The following SEMA7A variants were observed in gnomAD, a reference collection of about 807,000 sequenced individuals.
SEMA7A encodes semaphorin 7A (JohnMiltonHagen blood group).
Under a neutral mutation model 67.5 loss-of-function variants are expected in SEMA7A, and 21 were observed. The observed-to-expected ratio is 0.31, with a 90% CI of 0.22 to 0.45. The LOEUF (loss-of-function observed/expected upper bound fraction) is 0.45, where lower values mean the gene tolerates loss of function less well. Ranked by LOEUF, SEMA7A falls within the 20% of genes least tolerant of loss-of-function variation. The pLI, the probability that SEMA7A is intolerant of heterozygous loss-of-function variation, is 1.00. For missense variants in SEMA7A, 774 were observed against 908.6 expected (o/e 0.85, Z 1.90); for synonymous variants, 364 against 368.5 (o/e 0.99, Z 0.14).
intron 2 of SEMA7A, 40 bp from the exon 3 acceptor site, chr15:74,418,349 G>C (rs2060970684): frequency 6.2e-7 from 1 of 1,603,160 alleles, no homozygotes; most frequent in Non-Finnish European, 8.5e-7. Context: ...TCTGCCAGGG[G>C]TGAGGTACCC....
intron 1 of SEMA7A, among the ~76,000 whole-genome samples, chr15:74,429,974 A>T (rs1205506316): frequency 6.6e-6 from 1 of 152,076 alleles, no homozygotes; most frequent in East Asian, 1.9e-4. Context: ...GCATCTCCTC[A>T]GTGCCCATAA....
chr15:74,410,921 C>T lies in SEMA7A; in HGVS notation c.1704G>A (p.Met568Ile), dbSNP rs745819939. The T allele has an allele frequency of 6.2e-7, 1 of 1,614,140 alleles. No homozygotes were observed. ...PNSRYYLSCP[M>I]ESRHATYSWR... is the part of the protein sequence containing the mutation. ...ATGAGTAGGTGGCGTGGCGGGATTC[C>T]ATGGGGCAGCTCAGGTAGTAGCGAG... The change falls in exon 14 of 14, where the codon ATG (methionine) becomes ATA (isoleucine). Residue 568 changes from methionine (M) to isoleucine (I), a missense_variant. This residue lies in a region of SEMA7A where 427 missense variants were observed against 555.4 expected (regional missense o/e 0.77). Transcript: ENST00000261918. The surrounding 1 kb of genome is among the most constrained non-coding windows in gnomAD (Gnocchi z 7.5).
rs2060943501 is a variant in SEMA7A, at chr15:74,415,849, C to G, written c.938G>C (p.Ser313Thr). ...LQDVFLLPDP[S>T]GQWRDTRVYG... ...GACCCTGGTGTCCCTCCACTGGCCG[C>G]TGGGGTCAGGGAGCAGGAAGACGTC... The change falls in exon 8 of 14, where the codon AGC becomes ACC. Residue 313 changes from serine (S) to threonine (T), a missense_variant. Physicochemically the swap from Ser to Thr is moderately conservative, Grantham distance 58. This residue lies in a region of SEMA7A where 427 missense variants were observed against 555.4 expected (regional missense o/e 0.77). Coordinates refer to ENST00000261918, the MANE Select transcript of SEMA7A (RefSeq NM_003612.5). 1 of 1,614,056 alleles carries G rather than the reference C, an allele frequency of 6.2e-7. No homozygotes were observed. The highest frequency in any genetic ancestry group is 1.3e-5 in the African/African-American group (1 of 75,040).
chr15:74,422,911 C>G (rs888025364), intron 1 of SEMA7A, among the ~76,000 whole-genome samples: 1 of 152,206 alleles, frequency 6.6e-6, no homozygotes, highest in African/African-American at 2.4e-5. Context: ...AGGAGTGCAG[C>G]TCCAGGGGAG....
At position 74,423,624 on chromosome 15, in the gene SEMA7A, A is replaced by G. The variant is rs1334692951; in HGVS notation, c.179-4672T>C. Among the ~76,000 whole-genome samples the G allele has an allele frequency of 6.6e-6, 1 of 152,130 alleles. No individual in the cohort carries two copies. The highest frequency in any genetic ancestry group is 1.5e-5 in the Non-Finnish European group (1 of 68,010). On this transcript the variant is annotated intron_variant, in intron 1 of 13. Transcript: ENST00000261918. The surrounding 1 kb of genome is among the most constrained non-coding windows in gnomAD (Gnocchi z 4.1). ...CACTAGGTGCCGAGTCACTAACCTG[A>G]TAACTAAAGGGAATCACCCGCCCAC...
intron 1 of SEMA7A, among the ~76,000 whole-genome samples, chr15:74,433,430 C>T (rs1048444291): frequency 4.0e-5 from 6 of 151,746 alleles, no homozygotes; most frequent in African/African-American, 7.3e-5. Context: ...GGCTCGGGGC[C>T]GAGAGAGGGG....
intron 6 of SEMA7A, 25 bp downstream of exon 6, chr15:74,417,310 T>C: frequency 6.3e-7 from 1 of 1,593,478 alleles, no homozygotes; most frequent in Middle Eastern, 1.7e-4. Flanking sequence ...TTGCCCACCC[T>C]CAGCCCAGCC....
intron 1 of SEMA7A, among the ~76,000 whole-genome samples, chr15:74,433,436 A>G (rs1460442063): frequency 1.3e-5 from 2 of 151,280 alleles, no homozygotes; most frequent in South Asian, 2.1e-4. Flanking sequence ...GGGCCGAGAG[A>G]GGGGCCCGCC....
chr15:74,421,417 C>A (rs1182156915), intron 1 of SEMA7A, among the ~76,000 whole-genome samples: 1 of 152,172 alleles, frequency 6.6e-6, no homozygotes, highest in Non-Finnish European at 1.5e-5. Context: ...AAGCCTGAGC[C>A]CAGTTCCCTT....
rs2075593 is a variant in SEMA7A, at chr15:74,410,437, G to A, written c.*187C>T. 0.081 allele frequency: 61,661 copies of A among 757,068 alleles called. 4,853 individuals are homozygous for A. Among genetic ancestry groups the A allele is most frequent in the African/African-American group, 0.33 (18,517 of 56,564 alleles). The allele number at this position is 757,068 out of a possible 1,614,324, so 46.9% of individuals were successfully genotyped here. On this transcript the variant is annotated 3_prime_UTR_variant, in exon 14 of 14. Coordinates refer to ENST00000261918, the MANE Select transcript of SEMA7A (RefSeq NM_003612.5). The surrounding 1 kb of genome is among the most constrained non-coding windows in gnomAD (Gnocchi z 7.5). The stretch of plus-strand genomic sequence containing the variant: ...CCTCATTCTCAGCCCCTCACCATCC[G>A]TGCGCCACCTGGGGCCCAGCAGCCG...
rs2060895595 is a variant in SEMA7A at position 74,411,061 on chromosome 15, T to A, written c.1640-76A>T. The A allele has an allele frequency of 5.9e-6, 9 of 1,535,516 alleles. No homozygotes were observed. The highest frequency in any genetic ancestry group is 2.1e-4 in the Middle Eastern group (1 of 4,824). On this transcript the variant is annotated intron_variant, in intron 13 of 13. Transcript: ENST00000261918. The surrounding 1 kb of genome is among the most constrained non-coding windows in gnomAD (Gnocchi z 4.4). ...GGGAGGATGTGTCCTCCCCACGGAC[T>A]GGGATCCCAGGACAAGGCTTCTGAA... is the stretch of plus-strand genomic sequence containing the variant.
At chr15:74,420,781 T>C (rs148119337) in intron 1 of SEMA7A, among the ~76,000 whole-genome samples, 44 of 152,194 alleles carry the variant, frequency 2.9e-4, no homozygotes, top group African/African-American at 9.9e-4. Context: ...CAGCCAGAGA[T>C]CCAGACAGTC....
intron 5 of SEMA7A, 71 bp downstream of exon 5, chr15:74,417,520 G>A (rs2060961889): frequency 1.3e-6 from 2 of 1,586,820 alleles, no homozygotes; most frequent in East Asian, 4.5e-5. Context: ...ACTGGACAAA[G>A]AGCTGACCAC....
chr15:74,410,412 C>A lies in SEMA7A; in HGVS notation c.*212G>T. The stretch of plus-strand genomic sequence containing the variant: ...GATGCCCCAGCTTCACAGTCGGTGC[C>A]CTCATTCTCAGCCCCTCACCATCCG... On this transcript the variant is annotated 3_prime_UTR_variant, in exon 14 of 14. Coordinates refer to ENST00000261918, the MANE Select transcript of SEMA7A (RefSeq NM_003612.5). The surrounding 1 kb of genome is among the most constrained non-coding windows in gnomAD (Gnocchi z 7.5). 1.7e-6 allele frequency: 1 copy of A among 590,060 alleles called. No homozygotes were observed. The highest frequency in any genetic ancestry group is 1.9e-5 in the African/African-American group (1 of 53,242). The allele number at this position is 590,060 out of a possible 1,614,324, so 36.6% of individuals were successfully genotyped here.
rs1035028077 is a variant in SEMA7A, at chr15:74,414,228, T to G, written c.1294+319A>C. ...GCCCCTCCTCCTCATTTGCCACGTC[T>G]CTTCCTACCATCTTCTTCCCTGAGT... On this transcript the variant is annotated intron_variant, in intron 10 of 13. Coordinates refer to ENST00000261918, the MANE Select transcript of SEMA7A (RefSeq NM_003612.5). This position sits in a 1 kb window ranked among gnomAD's most constrained non-coding sequence, Gnocchi z 4.1. Among the ~76,000 whole-genome samples, 6 of 152,194 alleles carry G rather than the reference T, an allele frequency of 3.9e-5. No individual in the cohort carries two copies. The highest frequency in any genetic ancestry group is 1.4e-4 in the African/African-American group (6 of 41,446).
chr15:74,416,683 G>C lies in SEMA7A; in HGVS notation c.693C>G (p.His231Gln). 1 of 1,614,074 alleles carries C rather than the reference G, an allele frequency of 6.2e-7. No homozygotes were observed. Among genetic ancestry groups the C allele is most frequent in the Non-Finnish European group, 8.5e-7 (1 of 1,179,976 alleles). ...NPQFIKATIV[H>Q]QDQAYDDKIY... ...TCTTGTCATCGTAAGCCTGGTCTTG[G>C]TGCACGATGGTGGCTTTGATGAACT... Residue 231 changes from histidine to glutamine, a missense_variant, in exon 7 of 14, where the codon CAC (histidine) becomes CAG (glutamine). Around this residue, in one of 2 missense-constraint regions of SEMA7A, gnomAD observed 347 missense variants for 353.2 expected, o/e 0.98. Coordinates refer to ENST00000261918, the MANE Select transcript of SEMA7A (RefSeq NM_003612.5).
chr15:74,422,205 C>T (rs1186830328), intron 1 of SEMA7A, among the ~76,000 whole-genome samples: 4 of 152,090 alleles, frequency 2.6e-5, no homozygotes, highest in East Asian at 1.9e-4. Context: ...CCTGAACCTA[C>T]GAGCAGGGCC....
chr15:74,410,430 A>T lies in SEMA7A; in HGVS notation c.*194T>A. On this transcript the variant is annotated 3_prime_UTR_variant, in exon 14 of 14. Transcript: ENST00000261918. This position sits in a 1 kb window ranked among gnomAD's most constrained non-coding sequence, Gnocchi z 7.5. ...TCGGTGCCCTCATTCTCAGCCCCTCACCATCCGTGCGCCACCTGGGGCCCA... is the reference window on the plus strand; with the variant it reads ...TCGGTGCCCTCATTCTCAGCCCCTCTCCATCCGTGCGCCACCTGGGGCCCA... 1 of 691,992 alleles carries T rather than the reference A, an allele frequency of 1.4e-6. No individual in the cohort carries two copies. The highest frequency in any genetic ancestry group is 2.3e-6 in the Non-Finnish European group (1 of 432,144). The allele number at this position is 691,992 out of a possible 1,614,324, so 42.9% of individuals were successfully genotyped here.
chr15:74,432,642 T>G (rs1271466553), intron 1 of SEMA7A, among the ~76,000 whole-genome samples: 1 of 151,998 alleles, frequency 6.6e-6, no homozygotes, highest in Admixed American at 6.6e-5. Context: ...CAGATAATGC[T>G]CAGACTCCCG....
Sources: gnomAD v4.1 joint callset for allele counts (sites outside exome capture counted in the v4.1 genomes callset) on GRCh38, gnomAD v4.1.1 for gene constraint, gnomAD v4.1.1 regional missense constraint, Gnocchi (gnomAD v3.1) non-coding constraint, MANE v1.5 for transcripts, NCBI Gene and HGNC (gene_info 2026-07-23, HGNC 2026-07-21) for gene names.